Variants in COG1 observed in about 807,000 individuals in gnomAD.
COG1 encodes component of oligomeric golgi complex 1, also known as conserved oligomeric Golgi complex subunit 1.
In COG1, 61 loss-of-function variants were observed where a neutral mutation model predicts 102.2. The ratio of observed to expected loss-of-function variants is 0.60; its 90% CI spans 0.49 to 0.74. The LOEUF (loss-of-function observed/expected upper bound fraction) is 0.74. Ranked by LOEUF, COG1 falls within the 30% of genes least tolerant of loss-of-function variation. COG1 has a pLI of 0.00. For synonymous variants in COG1, 454 were observed against 493.6 expected, an observed-to-expected ratio of 0.92 and a Z score of 1.06; for missense variants, 1,164 against 1,232.1, an observed-to-expected ratio of 0.94 and a Z score of 0.83.
At chr17:73,204,160 T>C (rs2061358526) in intron 9 of COG1, among the ~76,000 whole-genome samples, 1 of 152,118 alleles carries the variant, frequency 6.6e-6, no homozygotes, top group Admixed American at 6.5e-5. Context: ...CAAGACCCTG[T>C]CTCTTAAAAA....
chr17:73,197,743 A>C (rs1199411701), intron 4 of COG1, among the ~76,000 whole-genome samples: 3 of 152,220 alleles, frequency 2.0e-5, no homozygotes, highest in Non-Finnish European at 4.4e-5. Context: ...TAGATGAAGA[A>C]GGCAAGCAAC....
At chr17:73,202,785 C>CA (rs1276849142) in intron 7 of COG1, among the ~76,000 whole-genome samples, 20 of 149,672 alleles carry the variant, frequency 1.3e-4, no homozygotes, top group African/African-American at 3.4e-4. Flanking sequence ...GACCCTGTCT[C>CA]AAAAAAAAAG....
At position 73,203,654 on chromosome 17, in the gene COG1, T is replaced by C; in HGVS notation, c.2243T>C (p.Phe748Ser). ...TAGCCGTCCTGGTATGTACAGTCCT[T>C]CCTGTTTAGTTTATGCCAGGAAATT... ...PAQPSWYVQS[F>S]LFSLCQEINR... Residue 748 changes from phenylalanine (F) to serine (S), a missense_variant, in exon 9 of 14, where the codon TTC becomes TCC. Coordinates refer to ENST00000299886, the MANE Select transcript of COG1 (RefSeq NM_018714.3). The C allele has an allele frequency of 6.2e-7, 1 of 1,614,240 alleles. No individual in the cohort carries two copies. Among genetic ancestry groups the C allele is most frequent in the South Asian group, 1.1e-5 (1 of 91,088 alleles).
intron 13 of COG1, chr17:73,207,818 TTTA>T (rs1326547116): frequency 1.3e-5 from 17 of 1,282,562 alleles, no homozygotes; most frequent in Non-Finnish European, 1.7e-5. Context: ...AGTTGTTTGC[TTTA>T]TTGTTAGACA....
chr17:73,207,926 T>C (rs2061388310), intron 13 of COG1: 2 of 1,187,932 alleles, frequency 1.7e-6, no homozygotes, highest in South Asian at 1.7e-5. Context: ...AGTTGGGAGA[T>C]GGTAGTTTAA....
chr17:73,197,413 G>C lies in COG1; in HGVS notation c.913+17G>C. 6.2e-7 allele frequency: 1 copy of C among 1,613,316 alleles called. No homozygotes were observed. The highest frequency in any genetic ancestry group is 8.5e-7 in the Non-Finnish European group (1 of 1,179,978). ...ATCCTGCCGGTGAGCTCTTAGCCAA[G>C]CTTTTTAAATTCTGGTTCACTCAAC... On this transcript the variant is annotated intron_variant, in intron 4 of 13. Coordinates refer to ENST00000299886, the MANE Select transcript of COG1 (RefSeq NM_018714.3).
Position 73,206,801 on chromosome 17 carries a change from G to C in COG1, c.2713G>C (p.Ala905Pro), listed in dbSNP as rs772098767. Residue 905 changes from alanine (A) to proline (P), a missense_variant, in exon 12 of 14, where the codon GCA (alanine) becomes CCA (proline). Transcript: ENST00000299886. ...SQEPHNILPL[A>P]SSQIRFGLLP... ...AGAACCCCATAACATCCTGCCACTG[G>C]CATCCAGTCAGATCAGGTAAAGGCT... is the stretch of plus-strand genomic sequence containing the variant. 6.2e-7 allele frequency: 1 copy of C among 1,613,612 alleles called. No homozygotes were observed. Among genetic ancestry groups the C allele is most frequent in the South Asian group, 1.1e-5 (1 of 91,062 alleles).
rs1437008173 is a variant in COG1 at position 73,208,426 on chromosome 17, G to T, written c.2918G>T (p.Gly973Val). The T allele has an allele frequency of 6.2e-7, 1 of 1,614,032 alleles. No homozygotes were observed. Among genetic ancestry groups the T allele is most frequent in the African/African-American group, 1.3e-5 (1 of 74,926 alleles). ...TCTGCACCTTCATTATTCAAACTTG[G>T]CTGGCTCTCTAGTATGACTAAGTAA... ...NTSAPSLFKL[G>V]WLSSMTK Residue 973 changes from glycine to valine, a missense_variant, in exon 14 of 14, where the codon GGC becomes GTC. Coordinates refer to ENST00000299886, the MANE Select transcript of COG1 (RefSeq NM_018714.3).
intron 5 of COG1, 148 bp downstream of exon 5, chr17:73,200,169 A>G (rs2061341146): frequency 1.4e-5 from 14 of 979,544 alleles, no homozygotes; most frequent in Non-Finnish European, 2.0e-5. Context: ...TCTGTGACCC[A>G]TTGCCACCTT....
chr17:73,203,810 T>C lies in COG1; in HGVS notation c.2382+17T>C. ...CAGATTAAGGTAGGTGTCTGAATGTTTGCCCATTAAAAACACAAATTAAAC... is the reference window on the plus strand; with the variant it reads ...CAGATTAAGGTAGGTGTCTGAATGTCTGCCCATTAAAAACACAAATTAAAC... On this transcript the variant is annotated intron_variant, in intron 9 of 13. Coordinates refer to ENST00000299886, the MANE Select transcript of COG1 (RefSeq NM_018714.3). 6.2e-7 allele frequency: 1 copy of C among 1,614,112 alleles called. No individual in the cohort carries two copies. Among genetic ancestry groups the C allele is most frequent in the Non-Finnish European group, 8.5e-7 (1 of 1,179,956 alleles).
chr17:73,205,786 G>T, intron 10 of COG1, 106 bp downstream of exon 10: 1 of 1,444,306 alleles, frequency 6.9e-7, no homozygotes, highest in African/African-American at 1.4e-5. Context: ...CACATTCATT[G>T]TGTTTGTTTT....
chr17:73,206,113 C>T (rs1271288407), intron 10 of COG1, 41 bp from the exon 11 acceptor site: 1 of 1,474,566 alleles, frequency 6.8e-7, no homozygotes, highest in East Asian at 2.3e-5. Context: ...GTTTTTGATC[C>T]TAAAAAATGT....
Position 73,208,226 on chromosome 17 carries a change from G to A in COG1, c.2806-88G>A, listed in dbSNP as rs1568300211. ...TCTCAGCTCCGCTTGTGTGTGCCGT[G>A]TGGACTCCGAGTGGCGTCGCGCGGA... is the stretch of plus-strand genomic sequence containing the variant. On this transcript the variant is annotated intron_variant, in intron 13 of 13. Transcript: ENST00000299886. The A allele has an allele frequency of 1.5e-5, 24 of 1,604,844 alleles. No homozygotes were observed. In the South Asian group the frequency reaches 2.1e-4, roughly 14 times the overall value.
intron 12 of COG1, 68 bp from the exon 13 acceptor site, chr17:73,207,113 A>G (rs77882314): frequency 1.7e-5 from 19 of 1,085,838 alleles, no homozygotes; most frequent in African/African-American, 3.6e-5. Flanking sequence ...AAAAAAAAAA[A>G]ATGAGGCTTC....
rs2061348248 is a variant in COG1 at position 73,201,817 on chromosome 17, C to G, written c.1990C>G (p.Gln664Glu). ...GAAAACTCAGGAAATCATTCCTACA[C>G]AGGCCAAGTGGCAAGAGGTTAAAGA... ...KVKTQEIIPT[Q>E]AKWQEVKEVL... Residue 664 changes from glutamine (Q) to glutamate (E), a missense_variant, in exon 7 of 14, where the codon CAG (glutamine) becomes GAG (glutamate). By Grantham distance (29) the Gln-to-Glu change is conservative (BLOSUM62 2). Coordinates refer to ENST00000299886, the MANE Select transcript of COG1 (RefSeq NM_018714.3). 6.2e-7 allele frequency: 1 copy of G among 1,614,072 alleles called. No homozygotes were observed. The highest frequency in any genetic ancestry group is 1.7e-5 in the Admixed American group (1 of 60,000).
rs1292174526 is a variant in COG1, at chr17:73,208,335, A to G, written c.2827A>G (p.Thr943Ala). 2 of 1,614,050 alleles carry G rather than the reference A, an allele frequency of 1.2e-6. No homozygotes were observed. The highest frequency in any genetic ancestry group is 1.7e-6 in the Non-Finnish European group (2 of 1,180,002). The change falls in exon 14 of 14, where the codon ACA becomes GCA. Residue 943 changes from threonine (T) to alanine (A), a missense_variant. Thr to Ala is a moderately conservative substitution (Grantham distance 58). Coordinates refer to ENST00000299886, the MANE Select transcript of COG1 (RefSeq NM_018714.3). ...GCAGGTTGTCCCCCCGGCACGCTCC[A>G]CAGCTGGTGACCCGACAGTTCCTGG... ...KAQVVPPARS[T>A]AGDPTVPGSL... is the part of the protein sequence containing the mutation.
chr17:73,202,793 A>G (rs1305887752), intron 7 of COG1, among the ~76,000 whole-genome samples: 1 of 152,194 alleles, frequency 6.6e-6, no homozygotes, highest in Non-Finnish European at 1.5e-5. Context: ...CTCAAAAAAA[A>G]AGAAGTGGTA....
intron 4 of COG1, among the ~76,000 whole-genome samples, chr17:73,198,688 G>T (rs1338792004): frequency 6.6e-6 from 1 of 152,216 alleles, no homozygotes; most frequent in Non-Finnish European, 1.5e-5. Context: ...AGATCGCTGG[G>T]AGGTCTAGTT....
At chr17:73,204,964 ACCAGC>A (rs935626618) in intron 9 of COG1, among the ~76,000 whole-genome samples, 2 of 152,104 alleles carry the variant, frequency 1.3e-5, no homozygotes, top group African/African-American at 4.8e-5. Flanking sequence ...GGAGTTCGAG[ACCAGC>A]CTGACCAACA....
Sources: gnomAD v4.1 joint callset for allele counts (sites outside exome capture counted in the v4.1 genomes callset) on GRCh38, gnomAD v4.1.1 for gene constraint, MANE v1.5 for transcripts, NCBI Gene and HGNC (gene_info 2026-07-23, HGNC 2026-07-21) for gene names.